CNTLN: variants seen among roughly 807,000 people sequenced by gnomAD.
CNTLN encodes centlein, centrosomal protein.
Under a neutral mutation model 180.0 loss-of-function variants are expected in CNTLN, and 212 were observed. The observed-to-expected ratio is 1.18, with a 90% CI of 1.05 to 1.32. The LOEUF (loss-of-function observed/expected upper bound fraction) is 1.32, where lower values mean the gene tolerates loss of function less well. Among genes scored for constraint, CNTLN ranks in the 40% most tolerant of loss-of-function variants. The pLI is 0.00. For synonymous variants in CNTLN, 722 were observed against 563.1 expected, an observed-to-expected ratio of 1.28 and a Z score of -3.99; for missense variants, 2,095 against 1,610.9, an observed-to-expected ratio of 1.30 and a Z score of -5.14.
chr9:17,184,691 A>G (rs1821324749), intron 2 of CNTLN, among the ~76,000 whole-genome samples: 1 of 152,210 alleles, frequency 6.6e-6, no homozygotes, highest in Non-Finnish European at 1.5e-5. Flanking sequence ...CAGAACTCAT[A>G]CTAGCATAAT....
intron 25 of CNTLN, chr9:17,495,106 C>T (rs1833383191): frequency 2.9e-6 from 1 of 350,410 alleles, no homozygotes; most frequent in Admixed American, 3.8e-5. Flanking sequence ...TCTCCAACTC[C>T]TGAGCTCAGG....
intron 8 of CNTLN, among the ~76,000 whole-genome samples, chr9:17,315,365 C>A (rs1370714288): frequency 1.3e-5 from 2 of 152,032 alleles, no homozygotes; most frequent in African/African-American, 2.4e-5. Flanking sequence ...GCAACTTTAA[C>A]AGTAGTGTGT....
At chr9:17,328,628 G>T (rs1251902035) in intron 8 of CNTLN, among the ~76,000 whole-genome samples, 1 of 152,164 alleles carries the variant, frequency 6.6e-6, no homozygotes, top group Non-Finnish European at 1.5e-5. Flanking sequence ...AGACAAACCA[G>T]ACTTAAAGAA....
Position 17,135,177 on chromosome 9 carries a change from G to C in CNTLN, c.112G>C (p.Ala38Pro), listed in dbSNP as rs1338958303. The C allele has an allele frequency of 3.1e-6, 5 of 1,610,480 alleles. No individual in the cohort carries two copies. Among genetic ancestry groups the C allele is most frequent in the Non-Finnish European group, 4.2e-6 (5 of 1,178,932 alleles). ...TGAAGTACACGCAATGCGCAGCGAGGCCTCGGGTTTTGCCGGCGCAGCGCG... is the reference window on the plus strand; with the variant it reads ...TGAAGTACACGCAATGCGCAGCGAGCCCTCGGGTTTTGCCGGCGCAGCGCG... Reference protein sequence around the residue: ...GAEVHAMRSEASGFAGAAREV... With the variant: ...GAEVHAMRSEPSGFAGAAREV... The change falls in exon 1 of 26, where the codon GCC (alanine) becomes CCC (proline). Residue 38 changes from alanine to proline, a missense_variant. Transcript: ENST00000380647.
At chr9:17,372,636 A>T (rs1319269042) in intron 13 of CNTLN, among the ~76,000 whole-genome samples, 1 of 152,190 alleles carries the variant, frequency 6.6e-6, no homozygotes, top group Non-Finnish European at 1.5e-5. Flanking sequence ...CAAGGCCAGT[A>T]TTAGCTTGAT....
chr9:17,295,871 A>AGCTCTC (rs1465835766), intron 6 of CNTLN, among the ~76,000 whole-genome samples: 2 of 152,084 alleles, frequency 1.3e-5, no homozygotes, highest in Non-Finnish European at 2.9e-5. Context: ...GCATGCCCAG[A>AGCTCTC]AAATACCATG....
intron 6 of CNTLN, among the ~76,000 whole-genome samples, chr9:17,275,619 G>T (rs898825176): frequency 1.3e-5 from 2 of 152,060 alleles, no homozygotes; most frequent in African/African-American, 4.8e-5. Context: ...AACAAACATG[G>T]TGTTCATTCT....
Position 17,356,063 on chromosome 9 carries a change from C to CA in CNTLN, c.1887-10536dup, listed in dbSNP as rs71492915. 9.9e-3 allele frequency among the ~76,000 whole-genome samples: 193 copies of CA among 19,538 alleles called. 3 individuals carry two copies. The highest frequency in any genetic ancestry group is 0.096 in the South Asian group (86 of 900). 12.8% of individuals were successfully genotyped at this position (19,538 alleles called of 152,430 possible). On this transcript the variant is annotated intron_variant, in intron 12 of 25. Transcript: ENST00000380647. ...TGGGCAACAAAGCGAGACTCCATCT[C>CA]AAAAAAAAAAAAAAAAAAGAAAAAG...
At chr9:17,176,946 GTGTCTTTTCCCTATTTTTTTCCC>G (rs1820754975) in intron 2 of CNTLN, among the ~76,000 whole-genome samples, 1 of 152,166 alleles carries the variant, frequency 6.6e-6, no homozygotes, top group African/African-American at 2.4e-5. Flanking sequence ...GATAACAGAT[GTGTCTTTTCCCTATTTTTTTCCC>G]TTGTCAGTCT....
intron 2 of CNTLN, among the ~76,000 whole-genome samples, chr9:17,180,350 T>A (rs1021145757): frequency 5.5e-5 from 5 of 90,224 alleles, no homozygotes; most frequent in African/African-American, 3.1e-4. Context: ...CTCTAATTAT[T>A]ATATTATATT....
chr9:17,369,198 T>C (rs1237838422), intron 13 of CNTLN, among the ~76,000 whole-genome samples: 1 of 152,064 alleles, frequency 6.6e-6, no homozygotes, highest in African/African-American at 2.4e-5. Context: ...AGGGGCTTTT[T>C]CCCCGTTCGC....
At chr9:17,352,990 T>G (rs1822504858) in intron 12 of CNTLN, among the ~76,000 whole-genome samples, 1 of 152,240 alleles carries the variant, frequency 6.6e-6, no homozygotes, top group Non-Finnish European at 1.5e-5. Context: ...CTTCCACATT[T>G]TGGCTACTCT....
At chr9:17,175,016 A>G (rs1279109605) in intron 2 of CNTLN, among the ~76,000 whole-genome samples, 1 of 152,138 alleles carries the variant, frequency 6.6e-6, no homozygotes, top group Non-Finnish European at 1.5e-5. Context: ...TGAGTTTTCA[A>G]AGTTCTTTTC....
chr9:17,419,967 A>G (rs2584551), intron 18 of CNTLN, among the ~76,000 whole-genome samples: 2 of 152,124 alleles, frequency 1.3e-5, no homozygotes, highest in Non-Finnish European at 2.9e-5. Context: ...CAGGCTGGAG[A>G]GCAGTGGCGC....
intron 14 of CNTLN, among the ~76,000 whole-genome samples, chr9:17,391,223 C>G (rs1470169414): frequency 6.6e-6 from 1 of 152,156 alleles, no homozygotes; most frequent in Non-Finnish European, 1.5e-5. Flanking sequence ...TCTTCTTGCC[C>G]TCTGTGTAGA....
chr9:17,367,427 T>A lies in CNTLN; in HGVS notation c.1987+710T>A, dbSNP rs74711777. On this transcript the variant is annotated intron_variant, in intron 13 of 25. Transcript: ENST00000380647. ...AAAAGACTGTCTAGGCCACAATGACTTCAACTCCTAGGCAAGCCCTAGTGC... is the reference window on the plus strand; with the variant it reads ...AAAAGACTGTCTAGGCCACAATGACATCAACTCCTAGGCAAGCCCTAGTGC... Among the ~76,000 whole-genome samples the A allele has an allele frequency of 1.6e-4, 24 of 152,230 alleles. No homozygotes were observed. In the East Asian group the frequency reaches 4.1e-3, roughly 26 times the overall value.
intron 20 of CNTLN, 71 bp downstream of exon 20, chr9:17,463,084 C>T: frequency 1.2e-6 from 1 of 820,690 alleles, no homozygotes; most frequent in African/African-American, 1.8e-5. Flanking sequence ...TAAACGTGCT[C>T]CAAGAAACTG....
the CNTLN span, among the ~76,000 whole-genome samples, chr9:17,523,479 C>T: frequency 6.6e-6 from 1 of 152,116 alleles, no homozygotes; most frequent in Non-Finnish European, 1.5e-5. Context: ...TCAAGTGATA[C>T]TCCTGCCTCA....
At chr9:17,178,978 C>T (rs1480604295) in intron 2 of CNTLN, among the ~76,000 whole-genome samples, 1 of 151,616 alleles carries the variant, frequency 6.6e-6, no homozygotes, top group Non-Finnish European at 1.5e-5. Flanking sequence ...GGCGCGGTGG[C>T]TCACGCCTGT....
Sources: allele counts gnomAD v4.1 joint callset (sites outside exome capture counted in the v4.1 genomes callset), GRCh38; gene constraint gnomAD v4.1.1; transcripts MANE v1.5; gene names NCBI Gene and HGNC (gene_info 2026-07-23, HGNC 2026-07-21).